The following MEI4 variants were observed in gnomAD, a reference collection of about 807,000 sequenced individuals.
The protein encoded by MEI4 is meiotic double-stranded break formation protein 4.
In MEI4, 27 loss-of-function variants were observed where a neutral mutation model predicts 31.4. The ratio of observed to expected loss-of-function variants is 0.86; its 90% CI spans 0.63 to 1.19. The LOEUF (loss-of-function observed/expected upper bound fraction) is 1.19. Among genes scored for constraint, MEI4 ranks in the 50% most tolerant of loss-of-function variants. The pLI, the probability that MEI4 is intolerant of heterozygous loss-of-function variation, is 0.00. For synonymous variants in MEI4, 122 were observed against 145.4 expected (o/e 0.84, Z 1.16); for missense variants, 329 against 398.9 (o/e 0.82, Z 1.49).
intron 2 of MEI4, among the ~76,000 whole-genome samples, chr6:77,755,310 A>G (rs1023966262): frequency 6.6e-6 from 1 of 152,232 alleles, no homozygotes; most frequent in Admixed American, 6.5e-5. Context: ...TAAACAGAAA[A>G]AAAATGTAAG....
At chr6:77,755,879 G>A (rs896968641) in intron 2 of MEI4, among the ~76,000 whole-genome samples, 2 of 148,174 alleles carry the variant, frequency 1.3e-5, no homozygotes, top group African/African-American at 5.2e-5. Context: ...TAAATCTAAT[G>A]ACAAACAGAT....
chr6:77,728,503 A>G (rs1045168710), intron 2 of MEI4, among the ~76,000 whole-genome samples: 6 of 152,242 alleles, frequency 3.9e-5, no homozygotes, highest in African/African-American at 1.4e-4. Flanking sequence ...AAAGTAATAC[A>G]ATTTATATTA....
At chr6:77,737,089 GA>G (rs1053225766) in intron 2 of MEI4, among the ~76,000 whole-genome samples, 8 of 152,204 alleles carry the variant, frequency 5.3e-5, no homozygotes, top group African/African-American at 1.9e-4. Context: ...ACAGCCAGTG[GA>G]AAACATGCTG....
Position 77,726,563 on chromosome 6 carries a change from A to C in MEI4, c.233-34567A>C, listed in dbSNP as rs188179094. ...GAACATCCTGAGGTTTGGATTTAGT[A>C]TGTCCAGGGCACAAAATATGATTGT... On this transcript the variant is annotated intron_variant, in intron 2 of 4. Transcript: ENST00000684080. Among the ~76,000 whole-genome samples the C allele has an allele frequency of 2.0e-5, 3 of 152,298 alleles. 1 individual carries two copies. The East Asian group carries it at 5.8e-4, about 29-fold the overall frequency.
intron 2 of MEI4, among the ~76,000 whole-genome samples, chr6:77,734,447 C>CT (rs1767117568): frequency 6.6e-6 from 1 of 151,964 alleles, no homozygotes; most frequent in African/African-American, 2.4e-5. Context: ...TTATCAGAGA[C>CT]TAGGATTGCA....
intron 4 of MEI4, among the ~76,000 whole-genome samples, chr6:77,858,081 A>G (rs959593339): frequency 2.6e-5 from 4 of 152,216 alleles, no homozygotes; most frequent in African/African-American, 9.6e-5. Flanking sequence ...TGTCATATCT[A>G]CAATGAATGA....
chr6:77,870,020 T>C (rs1161262018), intron 4 of MEI4, among the ~76,000 whole-genome samples: 1 of 152,044 alleles, frequency 6.6e-6, no homozygotes, highest in Admixed American at 6.6e-5. Flanking sequence ...CACTGTCTTA[T>C]AGGGAGGCTT....
At chr6:77,760,591 T>A (rs995671654) in intron 2 of MEI4, among the ~76,000 whole-genome samples, 3 of 152,168 alleles carry the variant, frequency 2.0e-5, no homozygotes, top group Non-Finnish European at 4.4e-5. Flanking sequence ...GCGTTTACAT[T>A]TACCCCTTAG....
At chr6:77,697,998 T>A (rs1766099052) in intron 2 of MEI4, among the ~76,000 whole-genome samples, 1 of 152,232 alleles carries the variant, frequency 6.6e-6, no homozygotes, top group African/African-American at 2.4e-5. Context: ...TCTTGTTGAA[T>A]TGATCCCTTT....
intron 4 of MEI4, among the ~76,000 whole-genome samples, chr6:77,840,127 C>T (rs919662636): frequency 1.3e-5 from 2 of 152,046 alleles, no homozygotes; most frequent in Non-Finnish European, 2.9e-5. Context: ...TACCTGTGTA[C>T]ATACATACAT....
chr6:77,738,791 T>C (rs6902782), intron 2 of MEI4, among the ~76,000 whole-genome samples: 80,214 of 152,034 alleles, frequency 0.53, 22,617 homozygotes, highest in East Asian at 0.75. Flanking sequence ...TTCTAACTGG[T>C]GTGAGATGGT....
chr6:77,893,705 A>G (rs546730132), intron 4 of MEI4, among the ~76,000 whole-genome samples: 1 of 152,284 alleles, frequency 6.6e-6, no homozygotes, highest in East Asian at 1.9e-4. Flanking sequence ...CTCCTTTTTT[A>G]AAAACATTTG....
Position 77,759,779 on chromosome 6 carries a change from G to A in MEI4, c.233-1351G>A, listed in dbSNP as rs55892893. 9.3e-3 allele frequency among the ~76,000 whole-genome samples: 1,421 copies of A among 152,196 alleles called. 17 individuals are homozygous for A. The highest frequency in any genetic ancestry group is 0.031 in the African/African-American group (1,274 of 41,522). On this transcript the variant is annotated intron_variant, in intron 2 of 4. Coordinates refer to ENST00000684080, the MANE Select transcript of MEI4 (RefSeq NM_001322247.2). ...ACCCAATGTTGGGACTAATAGAGGT[G>A]CTTTTCAGTTGATCGCTCAATGTTT...
At chr6:77,687,356 A>G (rs1020903883) in intron 1 of MEI4, among the ~76,000 whole-genome samples, 11 of 152,156 alleles carry the variant, frequency 7.2e-5, no homozygotes, top group African/African-American at 2.7e-4. Flanking sequence ...GCTTTCTGAA[A>G]GTTACTGCTG....
intron 4 of MEI4, among the ~76,000 whole-genome samples, chr6:77,848,980 A>T (rs929095081): frequency 6.6e-6 from 1 of 152,102 alleles, no homozygotes; most frequent in Non-Finnish European, 1.5e-5. Flanking sequence ...ATGCAGCTGC[A>T]CTGTCCAAAC....
chr6:77,679,513 T>C (rs1768912177), intron 1 of MEI4, among the ~76,000 whole-genome samples: 1 of 25,046 alleles, frequency 4.0e-5, no homozygotes, highest in Non-Finnish European at 7.3e-5. Context: ...GTTCACACAG[T>C]TATGAAATTG....
At chr6:77,892,522 G>A (rs1187559065) in intron 4 of MEI4, among the ~76,000 whole-genome samples, 1 of 152,006 alleles carries the variant, frequency 6.6e-6, no homozygotes. Flanking sequence ...CCCTTAGGGT[G>A]CATGCAGGTG....
At chr6:77,868,031 A>T (rs1465311678) in intron 4 of MEI4, among the ~76,000 whole-genome samples, 1 of 150,578 alleles carries the variant, frequency 6.6e-6, no homozygotes, top group Non-Finnish European at 1.5e-5. Flanking sequence ...GAACACATGG[A>T]CACAGGAAGG....
intron 2 of MEI4, among the ~76,000 whole-genome samples, chr6:77,742,343 G>C (rs1218225021): frequency 1.3e-5 from 2 of 151,806 alleles, no homozygotes; most frequent in Non-Finnish European, 2.9e-5. Flanking sequence ...TCTCATTGTG[G>C]TTTTGATTTG....
Sources: allele counts gnomAD v4.1 joint callset (sites outside exome capture counted in the v4.1 genomes callset), GRCh38; gene constraint gnomAD v4.1.1; transcripts MANE v1.5; gene names NCBI Gene and HGNC (gene_info 2026-07-23, HGNC 2026-07-21).